Variants in TAF1B observed in about 807,000 individuals in gnomAD.
TAF1B encodes the protein TATA box-binding protein-associated factor RNA polymerase I subunit B.
A neutral mutation model predicts 83.9 loss-of-function variants in TAF1B; 61 were observed. The observed-to-expected ratio is 0.73, with a 90% confidence interval of 0.59 to 0.90. TAF1B has a LOEUF of 0.90. Among genes scored for constraint, TAF1B ranks in the 40% least tolerant of loss-of-function variants. The pLI is 0.00. For synonymous variants in TAF1B, 221 were observed against 224.6 expected, an observed-to-expected ratio of 0.98 and a Z score of 0.14; for missense variants, 625 against 677.0, an observed-to-expected ratio of 0.92 and a Z score of 0.85.
chr2:9,872,325 T>TA (rs34234383), intron 6 of TAF1B, among the ~76,000 whole-genome samples: 235 of 138,088 alleles, frequency 1.7e-3, no homozygotes, highest in Middle Eastern at 0.011. Flanking sequence ...GATTCCATCT[T>TA]AAAAAAAAAA....
chr2:9,882,109 C>CA (rs1553286844), intron 7 of TAF1B, among the ~76,000 whole-genome samples: 1 of 144,436 alleles, frequency 6.9e-6, no homozygotes, highest in Non-Finnish European at 1.5e-5. Flanking sequence ...TTCTTGAACA[C>CA]TTTTTTTTTT....
At chr2:9,867,739 A>ACTT (rs1664035184) in intron 5 of TAF1B, among the ~76,000 whole-genome samples, 1 of 152,192 alleles carries the variant, frequency 6.6e-6, no homozygotes, top group African/African-American at 2.4e-5. Context: ...AGTATGAGAT[A>ACTT]GTATATCCTT....
intron 6 of TAF1B, among the ~76,000 whole-genome samples, chr2:9,875,037 G>A (rs552597810): frequency 2.0e-5 from 3 of 151,256 alleles, no homozygotes; most frequent in Non-Finnish European, 4.4e-5. Context: ...GCACGATCTC[G>A]GCTCACTGCA....
intron 7 of TAF1B, among the ~76,000 whole-genome samples, chr2:9,879,612 A>G (rs1664431260): frequency 6.6e-6 from 1 of 152,172 alleles, no homozygotes; most frequent in Non-Finnish European, 1.5e-5. Context: ...TGCTAGTGCC[A>G]AGCCCTAAAG....
intron 12 of TAF1B, among the ~76,000 whole-genome samples, chr2:9,916,045 C>T (rs894313447): frequency 2.0e-5 from 3 of 152,078 alleles, no homozygotes; most frequent in Non-Finnish European, 4.4e-5. Context: ...AAAAACAGAC[C>T]AGTAGTTGCC....
intron 6 of TAF1B, chr2:9,868,743 A>G (rs12623017): frequency 0.27 from 139,478 of 514,670 alleles, 20,349 homozygotes; most frequent in East Asian, 0.31. Flanking sequence ...GTCTTCAAAG[A>G]AAAGTTGTAG....
intron 8 of TAF1B, among the ~76,000 whole-genome samples, chr2:9,888,105 C>T (rs1448102495): frequency 6.6e-6 from 1 of 152,096 alleles, no homozygotes; most frequent in African/African-American, 2.4e-5. Flanking sequence ...ATTTTATCTC[C>T]ACTGTTGATT....
Position 9,910,745 on chromosome 2 carries a change from A to C in TAF1B, c.965A>C (p.His322Pro). The change falls in exon 10 of 15, where the codon CAT (histidine) becomes CCT (proline). Residue 322 changes from histidine to proline, a missense_variant. Coordinates refer to ENST00000263663, the MANE Select transcript of TAF1B (RefSeq NM_005680.3). The part of the protein sequence containing the change: ...LMEVNLPDEM[H>P]SLTCHVVKMT... ...CTGTTTTGTTCTTCAGATGAAATGC[A>C]TAGCTTAACTTGCCACGTGGTAAAA... 1 of 1,610,380 alleles carries C rather than the reference A, an allele frequency of 6.2e-7. No individual in the cohort carries two copies. The highest frequency in any genetic ancestry group is 8.5e-7 in the Non-Finnish European group (1 of 1,177,846).
At chr2:9,875,635 C>T (rs1664300770) in intron 6 of TAF1B, among the ~76,000 whole-genome samples, 1 of 152,112 alleles carries the variant, frequency 6.6e-6, no homozygotes, top group Non-Finnish European at 1.5e-5. Flanking sequence ...GATGTATTCA[C>T]TCTCATGAGA....
chr2:9,878,734 T>C (rs754838489), intron 7 of TAF1B, among the ~76,000 whole-genome samples: 9 of 152,174 alleles, frequency 5.9e-5, no homozygotes, highest in Non-Finnish European at 1.0e-4. Context: ...TTGTGAATCA[T>C]ATAGGTCAAG....
chr2:9,907,651 G>A (rs1427787203), intron 9 of TAF1B, among the ~76,000 whole-genome samples: 1 of 152,102 alleles, frequency 6.6e-6, no homozygotes, highest in Admixed American at 6.5e-5. Context: ...TCCTCCCATT[G>A]TCACCCACGA....
chr2:9,902,140 T>C (rs1204945744), intron 8 of TAF1B, among the ~76,000 whole-genome samples: 2 of 151,914 alleles, frequency 1.3e-5, no homozygotes, highest in Non-Finnish European at 2.9e-5. Flanking sequence ...TGTAATTGTC[T>C]CCGTTAAGCA....
At chr2:9,850,379 A>G (rs1402946046) in intron 3 of TAF1B, among the ~76,000 whole-genome samples, 1 of 152,200 alleles carries the variant, frequency 6.6e-6, no homozygotes, top group Non-Finnish European at 1.5e-5. Flanking sequence ...GAAAATAGGA[A>G]CACAGACTCA....
At chr2:9,860,051 T>C (rs13005986) in intron 5 of TAF1B, among the ~76,000 whole-genome samples, 4,827 of 152,242 alleles carry the variant, frequency 0.032, 124 homozygotes, top group East Asian at 0.089. Context: ...AGAGAGAGTG[T>C]GCAGGGGGAA....
chr2:9,876,061 A>G (rs1016102459), intron 7 of TAF1B, 43 bp downstream of exon 7: 10 of 1,537,656 alleles, frequency 6.5e-6, no homozygotes, highest in Middle Eastern at 1.7e-4. Context: ...GCTGGTTACT[A>G]CATGAACTAA....
intron 8 of TAF1B, among the ~76,000 whole-genome samples, chr2:9,889,650 G>A (rs1664803657): frequency 6.6e-6 from 1 of 151,942 alleles, no homozygotes; most frequent in African/African-American, 2.4e-5. Context: ...TTTATTAGAT[G>A]CAATCATTGT....
chr2:9,916,453 G>A (rs928986000), intron 12 of TAF1B, among the ~76,000 whole-genome samples: 2 of 152,118 alleles, frequency 1.3e-5, no homozygotes, highest in African/African-American at 4.8e-5. Flanking sequence ...CACCCCAAGG[G>A]CATCATAATG....
intron 8 of TAF1B, among the ~76,000 whole-genome samples, chr2:9,888,130 C>G (rs557376061): frequency 7.9e-5 from 12 of 152,112 alleles, no homozygotes; most frequent in Non-Finnish European, 1.5e-4. Flanking sequence ...AACTATACCT[C>G]TCTGTGTTTT....
intron 10 of TAF1B, among the ~76,000 whole-genome samples, chr2:9,911,260 C>A (rs1402041352): frequency 6.6e-6 from 1 of 152,144 alleles, no homozygotes; most frequent in Admixed American, 6.5e-5. Flanking sequence ...TCCCTTTAGG[C>A]TCCTGGCAAT....
Sources: gnomAD v4.1 joint callset for allele counts (sites outside exome capture counted in the v4.1 genomes callset) on GRCh38, gnomAD v4.1.1 for gene constraint, MANE v1.5 for transcripts, NCBI Gene and HGNC (gene_info 2026-07-23, HGNC 2026-07-21) for gene names.